LARGE1: variants seen among roughly 807,000 people sequenced by gnomAD.
LARGE1 encodes xylosyl- and glucuronyltransferase LARGE1.
A neutral mutation model predicts 87.6 loss-of-function variants in LARGE1; 43 were observed. The ratio of observed to expected loss-of-function variants is 0.49; its 90% CI spans 0.38 to 0.63. The LOEUF (loss-of-function observed/expected upper bound fraction) is 0.63. Ranked by LOEUF, LARGE1 falls within the 30% of genes least tolerant of loss-of-function variation. LARGE1 has a pLI of 0.00. For synonymous variants in LARGE1, 434 were observed against 394.6 expected (o/e 1.10, Z -1.18); for missense variants, 802 against 1,000.2 (o/e 0.80, Z 2.67).
At chr22:33,434,662 T>C (rs2067201082) in intron 6 of LARGE1, among the ~76,000 whole-genome samples, 1 of 152,230 alleles carries the variant, frequency 6.6e-6, no homozygotes, top group Non-Finnish European at 1.5e-5. Flanking sequence ...CATCTTCAGA[T>C]ATCTGAAAGG....
intron 13 of LARGE1, among the ~76,000 whole-genome samples, chr22:33,281,391 TA>T (rs3216416): frequency 0.17 from 25,518 of 146,698 alleles, 2,271 homozygotes; most frequent in African/African-American, 0.23. Context: ...AAACACTGGT[TA>T]AAAAAAAAAA....
At chr22:33,310,167 A>G (rs377081041) in intron 11 of LARGE1, among the ~76,000 whole-genome samples, 22 of 152,132 alleles carry the variant, frequency 1.4e-4, no homozygotes, top group African/African-American at 3.6e-4. Context: ...CTCCCATGCA[A>G]TGCTGTGTTG....
At chr22:33,601,862 G>C (rs1367059013) in intron 5 of LARGE1, among the ~76,000 whole-genome samples, 1 of 152,148 alleles carries the variant, frequency 6.6e-6, no homozygotes, top group Non-Finnish European at 1.5e-5. Context: ...AAGCCAGCAC[G>C]TAAAATAATA....
At chr22:33,575,798 T>C (rs1291644465) in intron 5 of LARGE1, among the ~76,000 whole-genome samples, 1 of 152,182 alleles carries the variant, frequency 6.6e-6, no homozygotes, top group Admixed American at 6.5e-5. Flanking sequence ...AATGTGATCG[T>C]GGATCTACAG....
At chr22:33,480,554 T>C (rs758137864) in intron 6 of LARGE1, among the ~76,000 whole-genome samples, 2 of 152,186 alleles carry the variant, frequency 1.3e-5, no homozygotes, top group African/African-American at 4.8e-5. Flanking sequence ...CTGCTTTAAG[T>C]AATGTATATA....
the LARGE1 span, among the ~76,000 whole-genome samples, chr22:33,081,347 A>C: frequency 6.6e-6 from 1 of 152,258 alleles, no homozygotes; most frequent in South Asian, 2.1e-4. Context: ...TCTTTGGATT[A>C]GGATGTCAGG....
chr22:33,731,737 G>C (rs1326213821), intron 2 of LARGE1, among the ~76,000 whole-genome samples: 2 of 152,300 alleles, frequency 1.3e-5, no homozygotes, highest in South Asian at 2.1e-4. Context: ...AATAAATAAA[G>C]AGGGCAGCAG....
chr22:33,727,123 A>G (rs990407984), intron 2 of LARGE1, among the ~76,000 whole-genome samples: 5 of 152,210 alleles, frequency 3.3e-5, no homozygotes, highest in Admixed American at 2.0e-4. Flanking sequence ...GAGGAGCTGG[A>G]AGACAGTTAT....
chr22:33,740,912 C>T (rs949260411), intron 2 of LARGE1, among the ~76,000 whole-genome samples: 1 of 152,246 alleles, frequency 6.6e-6, no homozygotes. Context: ...CCAAATCCCA[C>T]ACCATCTGAC....
At chr22:33,085,766 A>G in the LARGE1 span, among the ~76,000 whole-genome samples, 1 of 152,176 alleles carries the variant, frequency 6.6e-6, no homozygotes, top group Non-Finnish European at 1.5e-5. Context: ...CTGAGTCACA[A>G]ATAAACCTTT....
intron 2 of LARGE1, among the ~76,000 whole-genome samples, chr22:33,760,855 G>C (rs2084702530): frequency 6.6e-6 from 1 of 152,224 alleles, no homozygotes; most frequent in Non-Finnish European, 1.5e-5. Flanking sequence ...GGGAGGCAGG[G>C]GTTGCAGTGA....
chr22:33,323,895 C>T (rs541015144), intron 10 of LARGE1, among the ~76,000 whole-genome samples: 4 of 152,112 alleles, frequency 2.6e-5, no homozygotes, highest in Non-Finnish European at 4.4e-5. Flanking sequence ...TTCCTGACTG[C>T]GTGGCTAATG....
chr22:33,544,783 T>A (rs1056228472), intron 6 of LARGE1, among the ~76,000 whole-genome samples: 1 of 152,182 alleles, frequency 6.6e-6, no homozygotes, highest in African/African-American at 2.4e-5. Flanking sequence ...TTGGTTCAGC[T>A]TGGGTCACAA....
intron 1 of LARGE1, among the ~76,000 whole-genome samples, chr22:33,873,772 C>G (rs1367147505): frequency 6.6e-6 from 1 of 152,002 alleles, no homozygotes; most frequent in African/African-American, 2.4e-5. Flanking sequence ...TCCTCCTCCT[C>G]CTTTCCACCA....
intron 3 of LARGE1, among the ~76,000 whole-genome samples, chr22:33,634,276 G>C (rs780029190): frequency 7.9e-5 from 12 of 152,174 alleles, no homozygotes; most frequent in Non-Finnish European, 1.6e-4. Context: ...TGTTACAACA[G>C]AGTGCGGACT....
chr22:33,595,293 A>G (rs979027141), intron 5 of LARGE1, among the ~76,000 whole-genome samples: 1 of 152,196 alleles, frequency 6.6e-6, no homozygotes, highest in African/African-American at 2.4e-5. Flanking sequence ...ATAAATAAGA[A>G]TGAGAAGGAA....
At chr22:33,252,612 C>T (rs1300453780) in intron 11 of LARGE1, among the ~76,000 whole-genome samples, 2 of 152,096 alleles carry the variant, frequency 1.3e-5, no homozygotes, top group South Asian at 2.1e-4. Context: ...GGAATTGAGT[C>T]GTTTATTTTT....
intron 1 of LARGE1, among the ~76,000 whole-genome samples, chr22:33,913,407 C>T (rs1215104783): frequency 6.6e-6 from 1 of 152,204 alleles, no homozygotes; most frequent in African/African-American, 2.4e-5. Flanking sequence ...AGTGATGTAA[C>T]TCCATGTGTT....
At chr22:33,648,838 G>C (rs1235542540) in intron 3 of LARGE1, among the ~76,000 whole-genome samples, 1 of 152,172 alleles carries the variant, frequency 6.6e-6, no homozygotes, top group African/African-American at 2.4e-5. Context: ...ACAGATGTAA[G>C]AACCAGAGGG....
Sources: allele counts gnomAD v4.1 joint callset (sites outside exome capture counted in the v4.1 genomes callset), GRCh38; gene constraint gnomAD v4.1.1; transcripts MANE v1.5; gene names NCBI Gene and HGNC (gene_info 2026-07-23, HGNC 2026-07-21).